TENM1: variants seen among roughly 807,000 people sequenced by gnomAD.
TENM1 encodes teneurin transmembrane protein 1.
A neutral mutation model predicts 174.8 loss-of-function variants in TENM1; 35 were observed. The observed-to-expected ratio is 0.20, with a 90% CI of 0.15 to 0.27. TENM1 has a LOEUF of 0.27. TENM1 is among the 10% of genes least tolerant of loss of function. The pLI, the probability that TENM1 is intolerant of heterozygous loss-of-function variation, is 1.00. For synonymous variants in TENM1, 781 were observed against 798.7 expected (o/e 0.98, Z 0.37); for missense variants, 1,633 against 2,130.1 (o/e 0.77, Z 4.59).
At chrX:124,632,265 C>G (rs1281922891) in intron 11 of TENM1, among the ~76,000 whole-genome samples, 2 of 110,668 alleles carry the variant, frequency 1.8e-5, no homozygotes, top group Non-Finnish European at 3.8e-5. Context: ...GTGGCCTCAA[C>G]TCTGAAGCAT....
intron 5 of TENM1, among the ~76,000 whole-genome samples, chrX:124,686,518 T>C (rs747380316): frequency 8.9e-6 from 1 of 112,105 alleles, no homozygotes; most frequent in East Asian, 2.8e-4. Context: ...GCAAAAATCC[T>C]CAATAAAATA....
At chrX:125,032,089 C>T in the TENM1 span, among the ~76,000 whole-genome samples, 1 of 110,777 alleles carries the variant, frequency 9.0e-6, no homozygotes, top group Non-Finnish European at 1.9e-5. Flanking sequence ...GTAGAGTGAG[C>T]AAGACAGAGT....
At chrX:124,678,733 G>T (rs2052155499) in intron 5 of TENM1, among the ~76,000 whole-genome samples, 1 of 111,310 alleles carries the variant, frequency 9.0e-6, no homozygotes, top group Non-Finnish European at 1.9e-5. Context: ...AATATAGTTT[G>T]AAATCTAGTG....
chrX:124,432,987 G>A (rs1238469287), intron 23 of TENM1, among the ~76,000 whole-genome samples: 2 of 111,934 alleles, frequency 1.8e-5, no homozygotes, highest in Non-Finnish European at 3.8e-5. Flanking sequence ...GGACCATGAG[G>A]TGGCCTTGAA....
At chrX:124,912,351 G>A (rs1430920493) in intron 1 of TENM1, among the ~76,000 whole-genome samples, 2 of 111,529 alleles carry the variant, frequency 1.8e-5, no homozygotes, top group African/African-American at 6.5e-5. Context: ...TGCCACATTT[G>A]TCCCTGTTCT....
intron 3 of TENM1, among the ~76,000 whole-genome samples, chrX:124,892,187 A>G (rs750758867): frequency 8.9e-6 from 1 of 111,885 alleles, no homozygotes; most frequent in East Asian, 2.8e-4. Flanking sequence ...TTCTTGACAG[A>G]CAATTCAGCA....
At chrX:124,832,218 C>T (rs756610647) in intron 3 of TENM1, among the ~76,000 whole-genome samples, 1 of 112,009 alleles carries the variant, frequency 8.9e-6, no homozygotes, top group Admixed American at 9.5e-5. Context: ...AAAACATATG[C>T]ATCTTAAGGC....
At chrX:124,749,913 G>A (rs1049848636) in intron 3 of TENM1, among the ~76,000 whole-genome samples, 4 of 111,542 alleles carry the variant, frequency 3.6e-5, no homozygotes, top group African/African-American at 6.5e-5. Flanking sequence ...GACCAGGATT[G>A]TATGTCAAAT....
At chrX:125,181,239 ATTC>A in the TENM1 span, among the ~76,000 whole-genome samples, 6 of 111,895 alleles carry the variant, frequency 5.4e-5, no homozygotes, top group Non-Finnish European at 1.1e-4. Flanking sequence ...TAGAGAGATT[ATTC>A]TTAATCTACT....
At chrX:124,879,152 T>C (rs966140420) in intron 3 of TENM1, among the ~76,000 whole-genome samples, 1 of 112,014 alleles carries the variant, frequency 8.9e-6, no homozygotes, top group Admixed American at 9.5e-5. Context: ...CTCTTCCAGG[T>C]ATTTTGAAAT....
At chrX:124,982,441 C>A in the TENM1 span, among the ~76,000 whole-genome samples, 12 of 111,287 alleles carry the variant, frequency 1.1e-4, no homozygotes, top group African/African-American at 3.9e-4. Context: ...AAGATCTAAT[C>A]TTCGCAAGAG....
chrX:124,662,409 G>A (rs1178536414), intron 6 of TENM1, among the ~76,000 whole-genome samples: 1 of 100,673 alleles, frequency 9.9e-6, no homozygotes, highest in African/African-American at 3.7e-5. Context: ...AACCAAGATC[G>A]CGCCATTGCA....
chrX:124,755,119 G>A lies in TENM1; in HGVS notation c.536-17922C>T, dbSNP rs1226976902. Among the ~76,000 whole-genome samples the A allele has an allele frequency of 7.9e-5, 8 of 101,539 alleles. 1 individual carries two copies. The Admixed American group carries it at 8.1e-4, about 10-fold the overall frequency. The allele number at this position is 101,539 out of a possible 115,157, so 88.2% of individuals were successfully genotyped here. A position where few individuals can be genotyped will look rare whatever the true frequency, so the allele number is the denominator to read the frequency against. ...AGTCTCCCATTATTATTGTGTGGGAGTCTAAGTCTCTGTGTAGGTCACTCA... is the reference window on the plus strand; with the variant it reads ...AGTCTCCCATTATTATTGTGTGGGAATCTAAGTCTCTGTGTAGGTCACTCA... On this transcript the variant is annotated intron_variant, in intron 3 of 31. Coordinates refer to ENST00000422452, the Ensembl canonical transcript of TENM1.
At chrX:124,975,157 A>G in the TENM1 span, among the ~76,000 whole-genome samples, 1 of 109,468 alleles carries the variant, frequency 9.1e-6, no homozygotes, top group Non-Finnish European at 1.9e-5. Flanking sequence ...CACCTTCTAA[A>G]GTAATTTCAA....
chrX:124,745,650 A>C (rs1386991204), intron 3 of TENM1, among the ~76,000 whole-genome samples: 8 of 110,950 alleles, frequency 7.2e-5, no homozygotes, highest in African/African-American at 2.6e-4. Flanking sequence ...CTCTGATCTT[A>C]TAAGCAATTG....
At chrX:124,858,088 C>G (rs1342151222) in intron 3 of TENM1, among the ~76,000 whole-genome samples, 1 of 111,931 alleles carries the variant, frequency 8.9e-6, no homozygotes, top group African/African-American at 3.2e-5. Context: ...CTCCCTTACT[C>G]TGCCCACTGA....
intron 3 of TENM1, among the ~76,000 whole-genome samples, chrX:124,827,341 G>A (rs1022774142): frequency 3.6e-5 from 4 of 111,782 alleles, no homozygotes; most frequent in Non-Finnish European, 5.6e-5. Context: ...GAGTCACTGC[G>A]CCCAGTTGGT....
rs139362128 is a variant in TENM1 at position 124,892,220 on chromosome X, C to T, written c.535+2076G>A. Among the ~76,000 whole-genome samples, 651 of 111,619 alleles carry T rather than the reference C, an allele frequency of 5.8e-3. 6 individuals carry two copies. Among genetic ancestry groups the T allele is most frequent in the African/African-American group, 0.02 (610 of 30,756 alleles). On this transcript the variant is annotated intron_variant, in intron 3 of 31. Coordinates refer to ENST00000422452, the Ensembl canonical transcript of TENM1. The stretch of plus-strand genomic sequence containing the variant: ...GCATCAACAGATGATGAAGGGTTTA[C>T]TTAGGACAAATTTGAGAGAATGGAA...
chrX:125,116,821 C>T, the TENM1 span, among the ~76,000 whole-genome samples: 2 of 110,840 alleles, frequency 1.8e-5, no homozygotes, highest in Non-Finnish European at 3.8e-5. Flanking sequence ...ACCAGTCTGG[C>T]CAACATGGTG....
Sources: allele counts gnomAD v4.1 joint callset (sites outside exome capture counted in the v4.1 genomes callset), GRCh38; gene constraint gnomAD v4.1.1; transcripts MANE v1.5; gene names NCBI Gene and HGNC (gene_info 2026-07-23, HGNC 2026-07-21).